WDR72: variants seen among roughly 807,000 people sequenced by gnomAD.
WDR72 encodes WD repeat-containing protein 72.
Under a neutral mutation model 124.2 loss-of-function variants are expected in WDR72, and 120 were observed. That is an observed-to-expected ratio of 0.97 (90% CI 0.83 to 1.12). The LOEUF (loss-of-function observed/expected upper bound fraction) is 1.12, where lower values mean the gene tolerates loss of function less well. Ranked by LOEUF, WDR72 falls within the 50% of genes most tolerant of loss-of-function variation. WDR72 has a pLI of 0.00. For missense variants in WDR72, 1,387 were observed against 1,278.8 expected (o/e 1.08, Z -1.29); for synonymous variants, 452 against 441.7 (o/e 1.02, Z -0.29).
intron 1 of WDR72, among the ~76,000 whole-genome samples, chr15:53,739,454 A>G (rs2018448277): frequency 6.6e-6 from 1 of 152,214 alleles, no homozygotes; most frequent in South Asian, 2.1e-4. Context: ...AATATACTCT[A>G]CTATAAGAAG....
chr15:53,656,799 A>C (rs1222564144), intron 14 of WDR72, among the ~76,000 whole-genome samples: 2 of 152,058 alleles, frequency 1.3e-5, no homozygotes, highest in Non-Finnish European at 2.9e-5. Context: ...AACATTTATA[A>C]TCATTTTAAT....
intron 18 of WDR72, among the ~76,000 whole-genome samples, chr15:53,553,880 A>T (rs1893831245): frequency 6.6e-6 from 1 of 152,214 alleles, no homozygotes; most frequent in Non-Finnish European, 1.5e-5. Flanking sequence ...TAAAATGAAA[A>T]CAGAAATATG....
intron 14 of WDR72, among the ~76,000 whole-genome samples, chr15:53,650,078 T>C (rs2015177903): frequency 6.6e-6 from 1 of 150,940 alleles, no homozygotes; most frequent in African/African-American, 2.4e-5. Flanking sequence ...GAAATTTTGA[T>C]ATATACATAC....
rs2016511052 is a variant in WDR72, at chr15:53,684,218, GA to G, written c.1765+15531del. On this transcript the variant is annotated intron_variant, in intron 13 of 19. Coordinates refer to ENST00000360509, the MANE Select transcript of WDR72 (RefSeq NM_182758.4). ...AATTGCCGGAGGAGCCAAGATGGCTGAATAGGAACAGCTCCGGTCTACAGCT... is the reference window on the plus strand; with the variant it reads ...AATTGCCGGAGGAGCCAAGATGGCTGATAGGAACAGCTCCGGTCTACAGCT... 4.6e-5 allele frequency: 7 copies of G among 152,866 alleles called. No homozygotes were observed. In the Admixed American group the frequency reaches 4.6e-4, roughly 10 times the overall value. The allele number at this position is 152,866 out of a possible 1,614,324, so 9.5% of individuals were successfully genotyped here.
chr15:53,600,075 G>C (rs1036431390), intron 17 of WDR72, among the ~76,000 whole-genome samples: 1 of 152,158 alleles, frequency 6.6e-6, no homozygotes, highest in Non-Finnish European at 1.5e-5. Context: ...AGTGTGAGAT[G>C]AGAGAAAGGC....
Position 53,615,825 on chromosome 15 carries a change from G to C in WDR72, c.2381C>G (p.Thr794Arg), listed in dbSNP as rs776820145. The C allele has an allele frequency of 6.2e-7, 1 of 1,613,602 alleles. No homozygotes were observed. Among genetic ancestry groups the C allele is most frequent in the South Asian group, 1.1e-5 (1 of 91,080 alleles). ...RKVDASLTIDTAKLFLSCLLP... is the reference protein window; with the variant it reads ...RKVDASLTIDRAKLFLSCLLP... ...AAGGCAAGACAGAAACAATTTTGCT[G>C]TGTCTATTGTGAGACTGGCATCTAC... is the stretch of plus-strand genomic sequence containing the variant. The change falls in exon 15 of 20, where the codon ACA (threonine) becomes AGA (arginine). Residue 794 changes from threonine (T) to arginine (R), a missense_variant. Physicochemically the swap from Thr to Arg is moderately conservative, Grantham distance 71. Coordinates refer to ENST00000360509, the MANE Select transcript of WDR72 (RefSeq NM_182758.4).
chr15:53,520,575 T>C (rs573996849), intron 19 of WDR72, among the ~76,000 whole-genome samples: 17 of 152,194 alleles, frequency 1.1e-4, no homozygotes, highest in African/African-American at 4.1e-4. Flanking sequence ...TTCGAGGACA[T>C]TTTCCCAAAT....
chr15:53,674,307 T>A (rs1204662089), intron 13 of WDR72, among the ~76,000 whole-genome samples: 1 of 152,220 alleles, frequency 6.6e-6, no homozygotes, highest in African/African-American at 2.4e-5. Flanking sequence ...GACTGACAGT[T>A]ATAATCAAAT....
At chr15:53,688,702 T>C (rs1023313530) in intron 13 of WDR72, among the ~76,000 whole-genome samples, 2 of 151,984 alleles carry the variant, frequency 1.3e-5, no homozygotes, top group African/African-American at 2.4e-5. Flanking sequence ...TTCACAGAAT[T>C]GGAAAAAACT....
At chr15:53,581,782 T>C (rs2011942097) in intron 18 of WDR72, among the ~76,000 whole-genome samples, 1 of 152,016 alleles carries the variant, frequency 6.6e-6, no homozygotes. Flanking sequence ...AAATGGAAAA[T>C]TTTGGAGCTT....
chr15:53,705,114 T>C lies in WDR72; in HGVS notation c.1222A>G (p.Thr408Ala). The C allele has an allele frequency of 6.2e-7, 1 of 1,614,166 alleles. No homozygotes were observed. The change falls in exon 11 of 20, where the codon ACT becomes GCT. Residue 408 changes from threonine (T) to alanine (A), a missense_variant. Coordinates refer to ENST00000360509, the MANE Select transcript of WDR72 (RefSeq NM_182758.4). ...LKDGAGTAVV[T>A]SSEYIPSLDK... ...AGACTTGGAATATACTCTGATGAAG[T>C]GACTACAGCAGTTCCTGCCCCATCT...
chr15:53,646,155 T>A (rs2015034354), intron 14 of WDR72, among the ~76,000 whole-genome samples: 1 of 152,162 alleles, frequency 6.6e-6, no homozygotes, highest in African/African-American at 2.4e-5. Context: ...AAGAAATTAA[T>A]TTTGCAGTCA....
At position 53,626,092 on chromosome 15, in the gene WDR72, G is replaced by A. The variant is rs79590256; in HGVS notation, c.1963-9849C>T. Among the ~76,000 whole-genome samples the A allele has an allele frequency of 3.0e-3, 462 of 152,222 alleles. 2 individuals are homozygous for A. Among genetic ancestry groups the A allele is most frequent in the African/African-American group, 0.011 (440 of 41,538 alleles). ...ACCTGCCCAAGCTACTGTTACCGGGGGTCCTTGCTCCCAAAGCTCCCAAGA... is the reference window on the plus strand; with the variant it reads ...ACCTGCCCAAGCTACTGTTACCGGGAGTCCTTGCTCCCAAAGCTCCCAAGA... On this transcript the variant is annotated intron_variant, in intron 14 of 19. Transcript: ENST00000360509.
At chr15:53,703,249 T>C (rs1354129086) in intron 11 of WDR72, among the ~76,000 whole-genome samples, 1 of 152,136 alleles carries the variant, frequency 6.6e-6, no homozygotes. Context: ...AAGTCTAGTA[T>C]ACAAGAAAAT....
intron 14 of WDR72, among the ~76,000 whole-genome samples, chr15:53,636,237 G>A (rs956132930): frequency 1.3e-5 from 2 of 152,054 alleles, no homozygotes; most frequent in African/African-American, 4.8e-5. Context: ...AATCAAGATC[G>A]AGTTCCAGAA....
chr15:53,650,816 A>G (rs2015209223), intron 14 of WDR72, among the ~76,000 whole-genome samples: 1 of 150,684 alleles, frequency 6.6e-6, no homozygotes, highest in African/African-American at 2.4e-5. Context: ...CAAAACAAAC[A>G]CCAGCTAACA....
At chr15:53,700,247 C>T (rs35238791) in intron 12 of WDR72, among the ~76,000 whole-genome samples, 6,113 of 152,142 alleles carry the variant, frequency 0.04, 146 homozygotes, top group Non-Finnish European at 0.05. Flanking sequence ...AGGCAGACAT[C>T]GGAAATAATG....
In WDR72 at chr15:53,712,074, C is replaced by T. The variant is rs555487499; in HGVS notation, c.712-593G>A. Among the ~76,000 whole-genome samples, 5 of 152,188 alleles carry T rather than the reference C, an allele frequency of 3.3e-5. No homozygotes were observed. The East Asian group carries it at 9.7e-4, about 29-fold the overall frequency. ...TGACAAAGTAGAAAAAGTAAAACAT[C>T]TAAAAATATAATCAAACTATGTAGG... On this transcript the variant is annotated intron_variant, in intron 7 of 19. Coordinates refer to ENST00000360509, the MANE Select transcript of WDR72 (RefSeq NM_182758.4).
intron 1 of WDR72, among the ~76,000 whole-genome samples, chr15:53,744,127 C>T (rs571761554): frequency 1.3e-5 from 2 of 152,300 alleles, no homozygotes; most frequent in Non-Finnish European, 2.9e-5. Context: ...ATAACCAACA[C>T]TCTATTGTGA....
Sources: allele counts gnomAD v4.1 joint callset (sites outside exome capture counted in the v4.1 genomes callset), GRCh38; gene constraint gnomAD v4.1.1; transcripts MANE v1.5; gene names NCBI Gene and HGNC (gene_info 2026-07-23, HGNC 2026-07-21).